The following ACTR10 variants were observed in gnomAD, a reference collection of about 807,000 sequenced individuals.
The protein encoded by ACTR10 is actin-related protein 10.
ACTR10 carries 43 observed loss-of-function variants against 56.2 expected under a neutral mutation model. The observed-to-expected ratio is 0.77, with a 90% confidence interval of 0.60 to 0.99. The LOEUF (loss-of-function observed/expected upper bound fraction) is 0.99. Ranked by LOEUF, ACTR10 falls within the 50% of genes least tolerant of loss-of-function variation. The pLI, the probability that ACTR10 is intolerant of heterozygous loss-of-function variation, is 0.00. For synonymous variants in ACTR10, 170 were observed against 176.3 expected, an observed-to-expected ratio of 0.96 and a Z score of 0.28; for missense variants, 466 against 507.8, an observed-to-expected ratio of 0.92 and a Z score of 0.79.
chr14:58,222,338 A>G (rs567683999), intron 8 of ACTR10, among the ~76,000 whole-genome samples: 21 of 152,340 alleles, frequency 1.4e-4, no homozygotes, highest in Non-Finnish European at 2.9e-5. Flanking sequence ...TTTAAAAGAA[A>G]AAGTTTTCAA....
chr14:58,225,153 T>G (rs1448384455), intron 10 of ACTR10, among the ~76,000 whole-genome samples: 1 of 152,210 alleles, frequency 6.6e-6, no homozygotes, highest in Non-Finnish European at 1.5e-5. Context: ...GTGGCTGTAT[T>G]TCATTCTCAG....
Position 58,214,247 on chromosome 14 carries a change from A to G in ACTR10, c.518+549A>G, listed in dbSNP as rs76975387. Among the ~76,000 whole-genome samples, 361 of 152,202 alleles carry G rather than the reference A, an allele frequency of 2.4e-3. 18 individuals are homozygous for G. In the East Asian group the frequency reaches 0.065, roughly 28 times the overall value. ...ATTGTTTTGCTGTTTAGATCCCACA[A>G]ATAACTGAGCACATATAATATTGGT... On this transcript the variant is annotated intron_variant, in intron 6 of 12. Coordinates refer to ENST00000254286, the MANE Select transcript of ACTR10 (RefSeq NM_018477.3).
chr14:58,205,837 C>T (rs930721076), intron 2 of ACTR10, among the ~76,000 whole-genome samples: 4 of 152,016 alleles, frequency 2.6e-5, no homozygotes, highest in Non-Finnish European at 4.4e-5. Context: ...GCCTGGCCAA[C>T]TTGGTGAAAC....
intron 12 of ACTR10, among the ~76,000 whole-genome samples, chr14:58,233,119 C>A (rs984860146): frequency 6.6e-6 from 1 of 151,958 alleles, no homozygotes; most frequent in Non-Finnish European, 1.5e-5. Flanking sequence ...GTGATCCGCC[C>A]GCCTCTGCCT....
intron 1 of ACTR10, among the ~76,000 whole-genome samples, chr14:58,201,148 G>C (rs1458852214): frequency 6.6e-6 from 1 of 152,138 alleles, no homozygotes; most frequent in African/African-American, 2.4e-5. Context: ...CGTGTAGTAG[G>C]TATTTAATAA....
chr14:58,221,156 G>A (rs1365271772), intron 8 of ACTR10, among the ~76,000 whole-genome samples: 3 of 151,766 alleles, frequency 2.0e-5, no homozygotes, highest in African/African-American at 4.8e-5. Context: ...GGTGGCACTC[G>A]CCTGTAGTCC....
chr14:58,201,016 C>G (rs1188201876), intron 1 of ACTR10, among the ~76,000 whole-genome samples: 1 of 152,256 alleles, frequency 6.6e-6, no homozygotes, highest in East Asian at 1.9e-4. Flanking sequence ...TCCTGGGACC[C>G]TAGATTAAGA....
chr14:58,202,942 A>C lies in ACTR10; in HGVS notation c.150+15A>C, dbSNP rs1888761817. The stretch of plus-strand genomic sequence containing the variant: ...GGATGCCTAAGGTATTTAAAAAAAA[A>C]TATTAGCAAAATAAATGCCATACTA... On this transcript the variant is annotated intron_variant, in intron 2 of 12. Transcript: ENST00000254286. The C allele has an allele frequency of 1.4e-6, 2 of 1,432,792 alleles. No individual in the cohort carries two copies. Among genetic ancestry groups the C allele is most frequent in the East Asian group, 2.3e-5 (1 of 43,422 alleles). 88.8% of individuals were successfully genotyped at this position (1,432,792 alleles called of 1,614,324 possible).
chr14:58,226,332 C>G (rs1404649889), intron 10 of ACTR10, among the ~76,000 whole-genome samples: 1 of 150,512 alleles, frequency 6.6e-6, no homozygotes, highest in African/African-American at 2.4e-5. Flanking sequence ...CAGTTGGTCT[C>G]AAACTCCACT....
intron 1 of ACTR10, 72 bp downstream of exon 1, chr14:58,200,366 G>A: frequency 1.6e-6 from 2 of 1,290,088 alleles, no homozygotes; most frequent in Non-Finnish European, 2.0e-6. Flanking sequence ...GCACTGCCTG[G>A]GTCCTCATCG....
At chr14:58,232,688 AC>A (rs1256863552) in intron 12 of ACTR10, among the ~76,000 whole-genome samples, 3 of 151,988 alleles carry the variant, frequency 2.0e-5, no homozygotes, top group Non-Finnish European at 4.4e-5. Context: ...TGCTGGGATT[AC>A]AGGCATGAAC....
intron 8 of ACTR10, 161 bp from the exon 9 acceptor site, chr14:58,223,461 A>G: frequency 1.5e-6 from 1 of 684,828 alleles, no homozygotes; most frequent in Non-Finnish European, 2.4e-6. Context: ...TAATGAACAA[A>G]TTATTGTTAG....
chr14:58,214,904 A>G (rs1016405006), intron 6 of ACTR10, among the ~76,000 whole-genome samples: 2 of 150,548 alleles, frequency 1.3e-5, no homozygotes, highest in African/African-American at 2.4e-5. Context: ...TCAGGAGTTC[A>G]AGACCAGCCT....
intron 7 of ACTR10, among the ~76,000 whole-genome samples, chr14:58,217,620 C>T (rs1010879080): frequency 2.7e-5 from 4 of 149,664 alleles, no homozygotes; most frequent in African/African-American, 7.4e-5. Context: ...GAGCCGAGAT[C>T]GAGCCATTGC....
rs372470914 is a variant in ACTR10, at chr14:58,234,400, T to C, written c.1103T>C (p.Leu368Pro). Residue 368 changes from leucine to proline, a missense_variant, in exon 13 of 13, where the codon CTT becomes CCT. Coordinates refer to ENST00000254286, the MANE Select transcript of ACTR10 (RefSeq NM_018477.3). ...ATTTTTGGAGCATTACAAGATATACTTGGGAGCCGTTCTGTTTCAAAGGAA... is the reference window on the plus strand; with the variant it reads ...ATTTTTGGAGCATTACAAGATATACCTGGGAGCCGTTCTGTTTCAAAGGAA... ...GAIFGALQDI[L>P]GSRSVSKEYY... The C allele has an allele frequency of 3.1e-6, 5 of 1,606,074 alleles. No individual in the cohort carries two copies. Among genetic ancestry groups the C allele is most frequent in the Non-Finnish European group, 4.3e-6 (5 of 1,175,186 alleles).
At chr14:58,219,532 C>T in intron 7 of ACTR10, 162 bp from the exon 8 acceptor site, 3 of 459,600 alleles carry the variant, frequency 6.5e-6, no homozygotes, top group South Asian at 4.2e-5. Flanking sequence ...ATATTTCTTC[C>T]CTAAAACAAA....
Position 58,218,847 on chromosome 14 carries a change from C to T in ACTR10, c.599-847C>T, listed in dbSNP as rs185052315. Reference sequence around the variant, plus strand: ...TTATTATTATTATTATTTTTTGAGACGGAGTTTCACTCTTTTTGCCCAGGC... The same window carrying T: ...TTATTATTATTATTATTTTTTGAGATGGAGTTTCACTCTTTTTGCCCAGGC... On this transcript the variant is annotated intron_variant, in intron 7 of 12. Coordinates refer to ENST00000254286, the MANE Select transcript of ACTR10 (RefSeq NM_018477.3). Among the ~76,000 whole-genome samples, 493 of 151,924 alleles carry T rather than the reference C, an allele frequency of 3.2e-3. 4 individuals are homozygous for T. The highest frequency in any genetic ancestry group is 0.012 in the East Asian group (60 of 5,180).
chr14:58,229,405 G>A (rs371268296), intron 10 of ACTR10, among the ~76,000 whole-genome samples: 5 of 152,224 alleles, frequency 3.3e-5, no homozygotes, highest in Admixed American at 1.3e-4. Flanking sequence ...GGGGCCGGGC[G>A]CAGTGGCTCA....
At chr14:58,209,814 T>C (rs1888951575) in intron 4 of ACTR10, among the ~76,000 whole-genome samples, 1 of 152,214 alleles carries the variant, frequency 6.6e-6, no homozygotes, top group African/African-American at 2.4e-5. Context: ...AATGTAAGAT[T>C]ATATGTATTA....
Sources: allele counts gnomAD v4.1 joint callset (sites outside exome capture counted in the v4.1 genomes callset), GRCh38; gene constraint gnomAD v4.1.1; transcripts MANE v1.5; gene names NCBI Gene and HGNC (gene_info 2026-07-23, HGNC 2026-07-21).